COG3: variants seen among roughly 807,000 people sequenced by gnomAD.
COG3 encodes component of oligomeric golgi complex 3.
In COG3, 32 loss-of-function variants were observed where a neutral mutation model predicts 114.1. The observed-to-expected ratio is 0.28, with a 90% CI of 0.21 to 0.38. The LOEUF (loss-of-function observed/expected upper bound fraction) is 0.38, where lower values mean the gene tolerates loss of function less well. Among genes scored for constraint, COG3 ranks in the 10% least tolerant of loss-of-function variants. COG3 has a pLI of 1.00. For missense variants in COG3, 813 were observed against 973.2 expected (o/e 0.84, Z 2.19); for synonymous variants, 352 against 365.7 (o/e 0.96, Z 0.43).
At chr13:45,479,815 G>A (rs1886135792) in intron 3 of COG3, among the ~76,000 whole-genome samples, 2 of 152,154 alleles carry the variant, frequency 1.3e-5, no homozygotes, top group South Asian at 4.1e-4. Flanking sequence ...TTGGTGCCTT[G>A]GGATGGCTTT....
At chr13:45,473,030 T>C (rs987162449) in intron 1 of COG3, among the ~76,000 whole-genome samples, 1 of 152,038 alleles carries the variant, frequency 6.6e-6, no homozygotes, top group African/African-American at 2.4e-5. Context: ...CCACCACGCC[T>C]GGCTAATTTT....
chr13:45,534,891 T>A lies in COG3; in HGVS notation c.*160T>A, dbSNP rs1061694. On this transcript the variant is annotated 3_prime_UTR_variant, in exon 23 of 23. Coordinates refer to ENST00000349995, the MANE Select transcript of COG3 (RefSeq NM_031431.4). Reference sequence around the variant, plus strand: ...ACTGCAGAATGAAATAGAAGCAAAGTGTTACAGGATCAGTGTTTTCTTTTC... The same window carrying A: ...ACTGCAGAATGAAATAGAAGCAAAGAGTTACAGGATCAGTGTTTTCTTTTC... The A allele has an allele frequency of 0.087, 110,641 of 1,270,610 alleles. 6,913 individuals are homozygous for A. Among genetic ancestry groups the A allele is most frequent in the African/African-American group, 0.32 (20,794 of 64,682 alleles). 78.7% of individuals were successfully genotyped at this position (1,270,610 alleles called of 1,614,324 possible).
At chr13:45,500,067 AGTGT>A (rs1158465437) in intron 13 of COG3, among the ~76,000 whole-genome samples, 97 of 113,108 alleles carry the variant, frequency 8.6e-4, no homozygotes, top group African/African-American at 2.9e-3. Flanking sequence ...TGTGTGTGTG[AGTGT>A]GTGTGTGTGT....
rs369920768 is a variant in COG3, at chr13:45,481,231, C to T, written c.551C>T (p.Ser184Leu). Residue 184 changes from serine (S) to leucine (L), a missense_variant and splice_region_variant, in exon 5 of 23, where the codon TCG (serine) becomes TTG (leucine). Ser to Leu is a moderately radical substitution (Grantham distance 145). Around this residue, in one of 2 missense-constraint regions of COG3, gnomAD observed 424 missense variants for 430.6 expected, o/e 0.98. Transcript: ENST00000349995. ...EACEQLLKEQ[S>L]ELVDLAENIQ... ...TTTTTCTCTTTTAAAAAATGCAAGTCGGAACTTGTTGATCTGGCTGAAAAC... is the reference window on the plus strand; with the variant it reads ...TTTTTCTCTTTTAAAAAATGCAAGTTGGAACTTGTTGATCTGGCTGAAAAC... 37 of 1,573,680 alleles carry T rather than the reference C, an allele frequency of 2.4e-5. No homozygotes were observed. The highest frequency in any genetic ancestry group is 4.5e-5 in the East Asian group (2 of 44,218).
Position 45,506,544 on chromosome 13 carries a change from T to A in COG3, c.1595-3148T>A, listed in dbSNP as rs80140959. Among the ~76,000 whole-genome samples, 152 of 152,282 alleles carry A rather than the reference T, an allele frequency of 1.0e-3. 1 individual carries two copies. In the East Asian group the frequency reaches 0.022, roughly 22 times the overall value. Reference sequence around the variant, plus strand: ...CTGTGGAAAGTAATAAGAATGCGATTCTGCGAGTATTAAGAAAATCTGCCC... The same window carrying A: ...CTGTGGAAAGTAATAAGAATGCGATACTGCGAGTATTAAGAAAATCTGCCC... On this transcript the variant is annotated intron_variant, in intron 14 of 22. Transcript: ENST00000349995.
intron 15 of COG3, among the ~76,000 whole-genome samples, chr13:45,510,761 G>A (rs1870769338): frequency 2.0e-5 from 3 of 152,120 alleles, no homozygotes; most frequent in Non-Finnish European, 4.4e-5. Context: ...TAGTCTTACC[G>A]ATCAAAGGTG....
In COG3 at chr13:45,480,049, G is replaced by T. The variant is rs548132559; in HGVS notation, c.384-76G>T. ...GAAATTCGAACATTTTGGGAAAAAT[G>T]AGCCTTTGTTGTTTTTTTACTGTGC... On this transcript the variant is annotated intron_variant, in intron 3 of 22. Coordinates refer to ENST00000349995, the MANE Select transcript of COG3 (RefSeq NM_031431.4). 50 of 1,300,568 alleles carry T rather than the reference G, an allele frequency of 3.8e-5. No homozygotes were observed. The South Asian group carries it at 7.9e-4, about 20-fold the overall frequency. 80.6% of individuals were successfully genotyped at this position (1,300,568 alleles called of 1,614,324 possible).
rs188050793 is a variant in COG3, at chr13:45,493,192, G to A, written c.1188-155G>A. On this transcript the variant is annotated intron_variant, in intron 11 of 22. Transcript: ENST00000349995. ...AAAACTGTTTATAGAATTACTTTCAGCTTTTCCCTTATCATTCTATAATGT... is the reference window on the plus strand; with the variant it reads ...AAAACTGTTTATAGAATTACTTTCAACTTTTCCCTTATCATTCTATAATGT... 2.8e-4 allele frequency among the ~76,000 whole-genome samples: 42 copies of A among 152,200 alleles called. 1 individual carries two copies. Among genetic ancestry groups the A allele is most frequent in the Admixed American group, 2.2e-3 (33 of 15,286 alleles).
chr13:45,516,148 G>T lies in COG3; in HGVS notation c.1815G>T (p.Gln605His). The change falls in exon 17 of 23, where the codon CAG becomes CAT. Residue 605 changes from glutamine to histidine, a missense_variant. Gln to His is a conservative substitution (Grantham distance 24, BLOSUM62 0). Around this residue, in one of 2 missense-constraint regions of COG3, gnomAD observed 389 missense variants for 542.6 expected, o/e 0.72. Coordinates refer to ENST00000349995, the MANE Select transcript of COG3 (RefSeq NM_031431.4). ...TTTTCTGTCTTATAATTTAGACTCAGATTGATGGACAACTTTTCTTAATTA... is the reference window on the plus strand; with the variant it reads ...TTTTCTGTCTTATAATTTAGACTCATATTGATGGACAACTTTTCTTAATTA... ...ASESISKNKTQIDGQLFLIKH... is the reference protein window; with the variant it reads ...ASESISKNKTHIDGQLFLIKH... 2 of 1,565,910 alleles carry T rather than the reference G, an allele frequency of 1.3e-6. No individual in the cohort carries two copies. Among genetic ancestry groups the T allele is most frequent in the South Asian group, 2.4e-5 (2 of 83,204 alleles).
At chr13:45,485,235 C>CA (rs1886533672) in intron 7 of COG3, among the ~76,000 whole-genome samples, 3 of 60,756 alleles carry the variant, frequency 4.9e-5, no homozygotes, top group South Asian at 6.3e-4. Context: ...GGGGGGCTGA[C>CA]CCCCCCCACC....
In COG3 at chr13:45,465,115, C is replaced by T. The variant is rs751444143; in HGVS notation, c.79C>T (p.Arg27Trp). ...TAGGGAAAAGCTGGCTCTCTGGGAT[C>T]GGAGACCGGACACGACGGCGCCGCT... Reference protein sequence around the residue: ...DAREKLALWDRRPDTTAPLTD... With the variant: ...DAREKLALWDWRPDTTAPLTD... Residue 27 changes from arginine to tryptophan, a missense_variant, in exon 1 of 23, where the codon CGG becomes TGG. By Grantham distance (101) the Arg-to-Trp change is moderately radical (BLOSUM62 -3). Around this residue, in one of 2 missense-constraint regions of COG3, gnomAD observed 424 missense variants for 430.6 expected, o/e 0.98. Transcript: ENST00000349995. 15 of 1,613,012 alleles carry T rather than the reference C, an allele frequency of 9.3e-6. No individual in the cohort carries two copies. The highest frequency in any genetic ancestry group is 8.0e-5 in the African/African-American group (6 of 75,058).
chr13:45,509,750 T>A lies in COG3; in HGVS notation c.1653T>A (p.His551Gln). The change falls in exon 15 of 23, where the codon CAT becomes CAA. Residue 551 changes from histidine to glutamine, a missense_variant. By Grantham distance (24) the His-to-Gln change is conservative (BLOSUM62 0). Transcript: ENST00000349995. ...CCACAATTTCTCCAGCAGATCTTCA[T>A]GGAATGTGGTATCCTACGGTTCGAA... The part of the protein sequence containing the change: ...PQTTISPADL[H>Q]GMWYPTVRRT... 6.2e-7 allele frequency: 1 copy of A among 1,614,118 alleles called. No homozygotes were observed. Among genetic ancestry groups the A allele is most frequent in the Non-Finnish European group, 8.5e-7 (1 of 1,179,936 alleles).
At chr13:45,531,048 TAA>T in intron 22 of COG3, 1 of 1,045,432 alleles carries the variant, frequency 9.6e-7, no homozygotes, top group African/African-American at 1.7e-5. Flanking sequence ...GACCTGTTTG[TAA>T]AAGACTCAAA....
At chr13:45,488,943 A>G (rs1886838362) in intron 8 of COG3, among the ~76,000 whole-genome samples, 1 of 151,834 alleles carries the variant, frequency 6.6e-6, no homozygotes, top group African/African-American at 2.4e-5. Context: ...ATCCTAGTAC[A>G]TTGGGAGGTC....
At chr13:45,524,640 C>T (rs904748442) in intron 19 of COG3, among the ~76,000 whole-genome samples, 7 of 152,188 alleles carry the variant, frequency 4.6e-5, no homozygotes, top group Non-Finnish European at 2.9e-5. Flanking sequence ...CCTTAAGAGA[C>T]ACCTGTTTTG....
chr13:45,491,100 G>A (rs58083561), intron 9 of COG3, 142 bp downstream of exon 9: 63,276 of 630,450 alleles, frequency 0.1, 5,142 homozygotes, highest in African/African-American at 0.34. Context: ...GGGGAGCAAG[G>A]TCACAGACTT....
intron 13 of COG3, among the ~76,000 whole-genome samples, chr13:45,501,239 A>G (rs1344337197): frequency 6.6e-6 from 1 of 152,212 alleles, no homozygotes; most frequent in Non-Finnish European, 1.5e-5. Context: ...AGGGCAAAGT[A>G]TCTATGTAAA....
chr13:45,466,996 CAAAG>C (rs774856549), intron 1 of COG3, among the ~76,000 whole-genome samples: 8 of 152,104 alleles, frequency 5.3e-5, no homozygotes, highest in Non-Finnish European at 1.0e-4. Context: ...AAAAAAAGAA[CAAAG>C]AAGGTATGTT....
In COG3 at chr13:45,465,028, G is replaced by A. The variant is rs1885040496; in HGVS notation, c.-9G>A. Reference sequence around the variant, plus strand: ...CTCGCTGCTGCTGAAGGCCGCGAGGGCGGCGGCGATGGCGGAGGCGGCGCT... The same window carrying A: ...CTCGCTGCTGCTGAAGGCCGCGAGGACGGCGGCGATGGCGGAGGCGGCGCT... On this transcript the variant is annotated 5_prime_UTR_variant, in exon 1 of 23. Coordinates refer to ENST00000349995, the MANE Select transcript of COG3 (RefSeq NM_031431.4). 1.3e-6 allele frequency: 2 copies of A among 1,560,756 alleles called. No individual in the cohort carries two copies. The highest frequency in any genetic ancestry group is 1.7e-6 in the Non-Finnish European group (2 of 1,154,654).
Sources: gnomAD v4.1 joint callset for allele counts (sites outside exome capture counted in the v4.1 genomes callset) on GRCh38, gnomAD v4.1.1 for gene constraint, gnomAD v4.1.1 regional missense constraint, MANE v1.5 for transcripts, NCBI Gene and HGNC (gene_info 2026-07-23, HGNC 2026-07-21) for gene names.